Variants in MSI2 observed in about 807,000 individuals in gnomAD.
MSI2 encodes the protein musashi RNA binding protein 2.
In MSI2, 17 loss-of-function variants were observed where a neutral mutation model predicts 45.6. The ratio of observed to expected loss-of-function variants is 0.37; its 90% confidence interval spans 0.26 to 0.56. The LOEUF (loss-of-function observed/expected upper bound fraction) is 0.56. MSI2 is among the 20% of genes least tolerant of loss of function. The probability of loss-of-function intolerance (pLI) is 0.77; values close to 1 mark genes in which losing one functional copy is unlikely to be tolerated. For synonymous variants in MSI2, 156 were observed against 158.2 expected, an observed-to-expected ratio of 0.99 and a Z score of 0.11; for missense variants, 293 against 444.2, an observed-to-expected ratio of 0.66 and a Z score of 3.06.
intron 6 of MSI2, among the ~76,000 whole-genome samples, chr17:57,488,490 C>A (rs549167844): frequency 6.6e-6 from 1 of 152,208 alleles, no homozygotes; most frequent in East Asian, 1.9e-4. Context: ...GTGGTGAGTA[C>A]CTCTCACTTT....
chr17:57,679,637 CCTCA>C lies in MSI2; in HGVS notation c.*124_*127del. 3 of 1,062,932 alleles carry C rather than the reference CCTCA, an allele frequency of 2.8e-6. No homozygotes were observed. The highest frequency in any genetic ancestry group is 3.4e-6 in the Non-Finnish European group (3 of 877,114). 65.8% of individuals were successfully genotyped at this position (1,062,932 alleles called of 1,614,324 possible). A position where few individuals can be genotyped will look rare whatever the true frequency, so the allele number is the denominator to read the frequency against. On this transcript the variant is annotated 3_prime_UTR_variant, in exon 14 of 14. Coordinates refer to ENST00000284073, the MANE Select transcript of MSI2 (RefSeq NM_138962.4). ...GTCCTCAGACCTGGACCCCCACCAG[CCTCA>C]CTCCCCATCCCAACCAGAGATGGCT...
chr17:57,270,204 A>G (rs1173819002), intron 5 of MSI2, among the ~76,000 whole-genome samples: 1 of 152,206 alleles, frequency 6.6e-6, no homozygotes, highest in Admixed American at 6.5e-5. Flanking sequence ...TGTTATAGGC[A>G]TAGTACCGAG....
At chr17:57,532,780 G>A (rs1005210816) in intron 7 of MSI2, among the ~76,000 whole-genome samples, 15 of 152,230 alleles carry the variant, frequency 9.9e-5, no homozygotes, top group East Asian at 7.7e-4. Context: ...GGCTGGCGCC[G>A]CCTCCAGCTC....
intron 6 of MSI2, among the ~76,000 whole-genome samples, chr17:57,442,177 C>T (rs1275255006): frequency 6.6e-6 from 1 of 152,080 alleles, no homozygotes; most frequent in Non-Finnish European, 1.5e-5. Context: ...GCTGGGACTA[C>T]AGGCGCGTGC....
chr17:57,285,782 T>C (rs1909819488), intron 5 of MSI2: 9 of 1,280,522 alleles, frequency 7.0e-6, no homozygotes, highest in Middle Eastern at 2.7e-4. Context: ...AGCATCATTA[T>C]ATTTTTAGAA....
At position 57,645,652 on chromosome 17, in the gene MSI2, G is replaced by A. The variant is rs369691035; in HGVS notation, c.728-6447G>A. The stretch of plus-strand genomic sequence containing the variant: ...AGACAGGGTTTCACCAGGTTGGCCA[G>A]GCTGGTCTTGAACTCCTGACCTCAG... On this transcript the variant is annotated intron_variant, in intron 10 of 13. Transcript: ENST00000284073. Among the ~76,000 whole-genome samples the A allele has an allele frequency of 7.2e-5, 11 of 151,842 alleles. No homozygotes were observed. In the East Asian group the frequency reaches 1.9e-3, roughly 27 times the overall value.
At chr17:57,504,444 T>G (rs1040859806) in intron 6 of MSI2, among the ~76,000 whole-genome samples, 6 of 152,236 alleles carry the variant, frequency 3.9e-5, no homozygotes, top group Non-Finnish European at 8.8e-5. Context: ...GACCTAGATG[T>G]GATGCTGGAA....
At chr17:57,597,044 A>C in intron 8 of MSI2, 94 bp downstream of exon 8, 1 of 904,568 alleles carries the variant, frequency 1.1e-6, no homozygotes, top group Non-Finnish European at 1.8e-6. Context: ...ATCAGGCTGG[A>C]GTGGGCAGGG....
chr17:57,443,786 A>T (rs892813251), intron 6 of MSI2, among the ~76,000 whole-genome samples: 2 of 152,122 alleles, frequency 1.3e-5, no homozygotes, highest in Non-Finnish European at 2.9e-5. Flanking sequence ...TCCAGAGACA[A>T]AAGGGGATCA....
At chr17:57,326,867 A>T (rs139120710) in intron 5 of MSI2, among the ~76,000 whole-genome samples, 58 of 152,264 alleles carry the variant, frequency 3.8e-4, no homozygotes, top group African/African-American at 1.2e-3. Context: ...TAGCAATTGG[A>T]AGGACTATAC....
Position 57,603,728 on chromosome 17 carries a change from C to T in MSI2, c.537+6778C>T, listed in dbSNP as rs538854777. ...TCCAGGCAATATATAAATGAAGGGG[C>T]GTGGCTGTGTTCAAATAAAGCTTAT... On this transcript the variant is annotated intron_variant, in intron 8 of 13. Transcript: ENST00000284073. Among the ~76,000 whole-genome samples the T allele has an allele frequency of 1.4e-4, 22 of 152,292 alleles. No homozygotes were observed. The South Asian group carries it at 4.1e-3, about 29-fold the overall frequency.
At chr17:57,405,017 C>T (rs2084057056) in intron 6 of MSI2, among the ~76,000 whole-genome samples, 1 of 152,008 alleles carries the variant, frequency 6.6e-6, no homozygotes, top group Non-Finnish European at 1.5e-5. Flanking sequence ...CATGAGCTAC[C>T]CAGGGGTGAA....
chr17:57,604,445 G>A (rs1027424267), intron 8 of MSI2, among the ~76,000 whole-genome samples: 5 of 152,110 alleles, frequency 3.3e-5, no homozygotes, highest in Admixed American at 1.3e-4. Context: ...CCGAGCCTGC[G>A]GGGCAGGGAT....
At chr17:57,508,907 A>C (rs188395827) in intron 6 of MSI2, among the ~76,000 whole-genome samples, 1 of 152,196 alleles carries the variant, frequency 6.6e-6, no homozygotes, top group Non-Finnish European at 1.5e-5. Flanking sequence ...TCCGGGACCC[A>C]TTCATTAGAA....
chr17:57,615,183 A>AGTGGC (rs1567937358), intron 8 of MSI2, among the ~76,000 whole-genome samples: 1 of 147,432 alleles, frequency 6.8e-6, no homozygotes, highest in Admixed American at 6.9e-5. Context: ...GCTGGAGTGC[A>AGTGGC]GTGGCGTGAT....
At chr17:57,481,880 A>G (rs1217097456) in intron 6 of MSI2, among the ~76,000 whole-genome samples, 1 of 152,232 alleles carries the variant, frequency 6.6e-6, no homozygotes, top group African/African-American at 2.4e-5. Flanking sequence ...GAGTTAAGAC[A>G]CGGGTAGGAA....
chr17:57,282,835 C>CTTTT (rs564440544), intron 5 of MSI2, among the ~76,000 whole-genome samples: 8 of 92,754 alleles, frequency 8.6e-5, no homozygotes, highest in Admixed American at 3.3e-4. Flanking sequence ...GGGGGGCAGA[C>CTTTT]TTTTTTTTTT....
chr17:57,687,879 ACTT>A (rs1913914425), downstream of MSI2, among the ~76,000 whole-genome samples: 1 of 152,092 alleles, frequency 6.6e-6, no homozygotes, highest in Non-Finnish European at 1.5e-5. Flanking sequence ...GCCAAGCAGG[ACTT>A]CTTTCAAGAA....
intron 6 of MSI2, among the ~76,000 whole-genome samples, chr17:57,508,215 G>C (rs2086278735): frequency 6.6e-6 from 1 of 152,064 alleles, no homozygotes; most frequent in Non-Finnish European, 1.5e-5. Flanking sequence ...GGCAGCTCTG[G>C]ACAGGCCATT....
Sources: gnomAD v4.1 joint callset for allele counts (sites outside exome capture counted in the v4.1 genomes callset) on GRCh38, gnomAD v4.1.1 for gene constraint, MANE v1.5 for transcripts, NCBI Gene and HGNC (gene_info 2026-07-23, HGNC 2026-07-21) for gene names.